Variants in DOCK3 observed in about 807,000 individuals in gnomAD.
The protein encoded by DOCK3 is dedicator of cytokinesis protein 3.
A neutral mutation model predicts 265.6 loss-of-function variants in DOCK3; 60 were observed. The observed-to-expected ratio is 0.23, with a 90% CI of 0.18 to 0.28. The LOEUF (loss-of-function observed/expected upper bound fraction) is 0.28, where lower values mean the gene tolerates loss of function less well. Ranked by LOEUF, DOCK3 falls within the 10% of genes least tolerant of loss-of-function variation. The probability of loss-of-function intolerance (pLI) is 1.00; values close to 1 mark genes in which losing one functional copy is unlikely to be tolerated. For synonymous variants in DOCK3, 881 were observed against 938.0 expected (o/e 0.94, Z 1.11); for missense variants, 1,981 against 2,594.3 (o/e 0.76, Z 5.14).
intron 13 of DOCK3, among the ~76,000 whole-genome samples, chr3:51,212,963 G>A (rs1271412039): frequency 1.3e-5 from 2 of 150,792 alleles, no homozygotes; most frequent in African/African-American, 2.4e-5. Flanking sequence ...TCCTCCCTTG[G>A]CCCAGCTCTG....
Position 51,249,157 on chromosome 3 carries a change from G to A in DOCK3, c.2184+2350G>A, listed in dbSNP as rs1369177520. Among the ~76,000 whole-genome samples the A allele has an allele frequency of 9.5e-3, 674 of 70,910 alleles. 6 individuals are homozygous for A. Among genetic ancestry groups the A allele is most frequent in the Non-Finnish European group, 0.015 (478 of 31,166 alleles). The allele number at this position is 70,910 out of a possible 152,430, so 46.5% of individuals were successfully genotyped here. On this transcript the variant is annotated intron_variant, in intron 22 of 52. Transcript: ENST00000266037. ...CCCCGTCCGGGAGGGAGGTGGGGGGGTCAGCCCCCCGCCAGGCCAGCTGCC... is the reference window on the plus strand; with the variant it reads ...CCCCGTCCGGGAGGGAGGTGGGGGGATCAGCCCCCCGCCAGGCCAGCTGCC...
intron 22 of DOCK3, among the ~76,000 whole-genome samples, chr3:51,254,421 T>C (rs567766436): frequency 3.5e-4 from 54 of 152,318 alleles, no homozygotes; most frequent in African/African-American, 1.3e-3. Context: ...CTGGATATCC[T>C]TGTTAACTTT....
chr3:50,885,021 A>G (rs1575445085), intron 3 of DOCK3, among the ~76,000 whole-genome samples: 1 of 152,168 alleles, frequency 6.6e-6, no homozygotes, highest in East Asian at 1.9e-4. Flanking sequence ...TGTCCTAACA[A>G]TGTCCTTGTG....
chr3:51,136,735 A>G (rs2084824255), intron 9 of DOCK3, among the ~76,000 whole-genome samples: 1 of 152,122 alleles, frequency 6.6e-6, no homozygotes, highest in South Asian at 2.1e-4. Context: ...GGAAGGCTAG[A>G]AAGAACCCTT....
intron 3 of DOCK3, among the ~76,000 whole-genome samples, chr3:50,879,348 G>C (rs947801562): frequency 2.0e-5 from 3 of 152,132 alleles, no homozygotes; most frequent in Admixed American, 2.0e-4. Flanking sequence ...TGCATAAAGA[G>C]TCAAGACCCA....
At chr3:50,774,630 A>C (rs1337409851) in intron 1 of DOCK3, among the ~76,000 whole-genome samples, 1 of 151,992 alleles carries the variant, frequency 6.6e-6, no homozygotes, top group Non-Finnish European at 1.5e-5. Context: ...ATACACAGTC[A>C]GACCTGCTGA....
chr3:50,995,904 C>T (rs370854399), intron 5 of DOCK3, among the ~76,000 whole-genome samples: 23 of 151,460 alleles, frequency 1.5e-4, no homozygotes, highest in South Asian at 8.4e-4. Flanking sequence ...TCCTTTTTGG[C>T]GGGGGCGGAG....
intron 18 of DOCK3, among the ~76,000 whole-genome samples, chr3:51,229,267 A>C (rs900986291): frequency 6.6e-6 from 1 of 152,172 alleles, no homozygotes; most frequent in East Asian, 1.9e-4. Flanking sequence ...CCTGGCCAAC[A>C]TGGTGAAACA....
At chr3:51,376,778 T>C (rs998727539) in intron 51 of DOCK3, among the ~76,000 whole-genome samples, 1 of 152,226 alleles carries the variant, frequency 6.6e-6, no homozygotes, top group East Asian at 1.9e-4. Context: ...CCCACTGTTA[T>C]GCTCCGCCTT....
At chr3:51,355,088 A>G (rs1227224767) in intron 41 of DOCK3, 65 bp downstream of exon 41, 1 of 1,562,566 alleles carries the variant, frequency 6.4e-7, no homozygotes, top group Non-Finnish European at 8.7e-7. Flanking sequence ...CCACCCAGTC[A>G]GCTGCCCCTT....
At chr3:50,887,247 A>G (rs2048393314) in intron 3 of DOCK3, among the ~76,000 whole-genome samples, 1 of 151,996 alleles carries the variant, frequency 6.6e-6, no homozygotes, top group Admixed American at 6.6e-5. Context: ...CTATGCAAAT[A>G]AACTAGAAAA....
intron 1 of DOCK3, among the ~76,000 whole-genome samples, chr3:50,753,241 A>C (rs2039947369): frequency 1.3e-5 from 2 of 152,228 alleles, no homozygotes; most frequent in South Asian, 4.1e-4. Flanking sequence ...ATAAATCTTC[A>C]TCTGTCAGTG....
chr3:50,829,994 G>T (rs1030536919), intron 2 of DOCK3, among the ~76,000 whole-genome samples: 2 of 152,114 alleles, frequency 1.3e-5, no homozygotes, highest in African/African-American at 2.4e-5. Flanking sequence ...TGATTATTGT[G>T]TAAATTTTTC....
At chr3:50,947,195 A>G (rs1458457149) in intron 5 of DOCK3, among the ~76,000 whole-genome samples, 1 of 152,064 alleles carries the variant, frequency 6.6e-6, no homozygotes, top group Non-Finnish European at 1.5e-5. Flanking sequence ...TTATATAAAT[A>G]TATGTTTTAA....
intron 13 of DOCK3, among the ~76,000 whole-genome samples, chr3:51,211,350 TTTTC>T (rs2089488400): frequency 6.6e-6 from 1 of 152,106 alleles, no homozygotes; most frequent in African/African-American, 2.4e-5. Flanking sequence ...GACTTTGTTA[TTTTC>T]TTTCTTTTTT....
intron 1 of DOCK3, among the ~76,000 whole-genome samples, chr3:50,687,737 A>G (rs1010183303): frequency 6.6e-6 from 1 of 152,234 alleles, no homozygotes. Flanking sequence ...GTGAAATTAG[A>G]AAGCTGTCCA....
At position 50,676,664 on chromosome 3, in the gene DOCK3, G is replaced by A. The variant is rs1473347697; in HGVS notation, c.37+1364G>A. On this transcript the variant is annotated intron_variant, in intron 1 of 52. Coordinates refer to ENST00000266037, the MANE Select transcript of DOCK3 (RefSeq NM_004947.5). ...TGATGTGAGTGGTCAACTCTCCAGT[G>A]GCACCCCATGATTGATTTTTTTGGA... Among the ~76,000 whole-genome samples the A allele has an allele frequency of 2.1e-5, 3 of 142,698 alleles. No homozygotes were observed. The Admixed American group carries it at 2.1e-4, about 10-fold the overall frequency. 93.6% of individuals were successfully genotyped at this position (142,698 alleles called of 152,430 possible). A position where few individuals can be genotyped will look rare whatever the true frequency, so the allele number is the denominator to read the frequency against.
At chr3:51,379,756 G>A (rs1286302739) in intron 51 of DOCK3, among the ~76,000 whole-genome samples, 1 of 152,248 alleles carries the variant, frequency 6.6e-6, no homozygotes, top group East Asian at 1.9e-4. Context: ...TCCGAGTACA[G>A]CAGGTTAGCT....
At chr3:51,159,494 C>T (rs1159953172) in intron 11 of DOCK3, among the ~76,000 whole-genome samples, 190 bp downstream of exon 11, 2 of 151,824 alleles carry the variant, frequency 1.3e-5, no homozygotes, top group Non-Finnish European at 2.9e-5. Flanking sequence ...TAAATGGATT[C>T]GGGGGGGTGG....
Sources: allele counts gnomAD v4.1 joint callset (sites outside exome capture counted in the v4.1 genomes callset), GRCh38; gene constraint gnomAD v4.1.1; transcripts MANE v1.5; gene names NCBI Gene and HGNC (gene_info 2026-07-23, HGNC 2026-07-21).